GRIN2B: variants seen among roughly 807,000 people sequenced by gnomAD.
GRIN2B encodes the protein glutamate ionotropic receptor NMDA type subunit 2B, also known as glutamate receptor ionotropic, NMDA 2B.
Under a neutral mutation model 114.5 loss-of-function variants are expected in GRIN2B, and 5 were observed. The observed-to-expected ratio is 0.04, with a 90% CI of 0.02 to 0.09. GRIN2B has a LOEUF of 0.09. Ranked by LOEUF, GRIN2B falls within the 10% of genes least tolerant of loss-of-function variation. The probability of loss-of-function intolerance (pLI) is 1.00; values close to 1 mark genes in which losing one functional copy is unlikely to be tolerated. For missense variants in GRIN2B, 1,108 were observed against 1,943.5 expected, an observed-to-expected ratio of 0.57 and a Z score of 8.08; for synonymous variants, 787 against 745.1, an observed-to-expected ratio of 1.06 and a Z score of -0.92.
chr12:13,776,579 T>C (rs778823278), intron 3 of GRIN2B, among the ~76,000 whole-genome samples: 28 of 152,138 alleles, frequency 1.8e-4, no homozygotes, highest in Non-Finnish European at 3.8e-4. Flanking sequence ...TAATATAATC[T>C]TACACGACAG....
rs139642366 is a variant in GRIN2B, at chr12:13,888,816, C to T, written c.-18-22590G>A. 6.0e-3 allele frequency among the ~76,000 whole-genome samples: 906 copies of T among 150,620 alleles called. 14 individuals carry two copies. Among genetic ancestry groups the T allele is most frequent in the African/African-American group, 0.021 (873 of 41,016 alleles). Reference sequence around the variant, plus strand: ...ATAAAAAAAAAAAAATGGTATAGGGCACTTACCACGAATGGAGCCTGCAGG... The same window carrying T: ...ATAAAAAAAAAAAAATGGTATAGGGTACTTACCACGAATGGAGCCTGCAGG... On this transcript the variant is annotated intron_variant, in intron 2 of 13. Coordinates refer to ENST00000609686, the MANE Select transcript of GRIN2B (RefSeq NM_000834.5).
At chr12:13,968,796 C>T (rs1352076604) in intron 2 of GRIN2B, among the ~76,000 whole-genome samples, 1 of 152,180 alleles carries the variant, frequency 6.6e-6, no homozygotes, top group East Asian at 1.9e-4. Flanking sequence ...ATGATGACCC[C>T]TGTTAATAGT....
chr12:13,952,074 GT>G (rs1407940626), intron 2 of GRIN2B, among the ~76,000 whole-genome samples: 2 of 151,570 alleles, frequency 1.3e-5, no homozygotes, highest in Non-Finnish European at 2.9e-5. Context: ...TTTTTTTTTG[GT>G]TGGGGGTGTG....
At chr12:13,830,692 T>G (rs1865129697) in intron 3 of GRIN2B, among the ~76,000 whole-genome samples, 1 of 152,200 alleles carries the variant, frequency 6.6e-6, no homozygotes, top group Non-Finnish European at 1.5e-5. Flanking sequence ...AGCCACAAGA[T>G]AGCATCAGGC....
Position 13,543,772 on chromosome 12 carries a change from C to T in GRIN2B, c.*19011G>A, listed in dbSNP as rs1435373245. On this transcript the variant is annotated 3_prime_UTR_variant, in exon 14 of 14. Coordinates refer to ENST00000609686, the MANE Select transcript of GRIN2B (RefSeq NM_000834.5). ...TATACTCACTCTTAACTGATGAACT[C>T]CTTTCATAGTTTACTAAAAATCAAT... The T allele has an allele frequency of 1.3e-5, 2 of 152,152 alleles. No homozygotes were observed. Among genetic ancestry groups the T allele is most frequent in the African/African-American group, 4.8e-5 (2 of 41,418 alleles). The allele number at this position is 152,152 out of a possible 1,614,324, so 9.4% of individuals were successfully genotyped here. A position where few individuals can be genotyped will look rare whatever the true frequency, so the allele number is the denominator to read the frequency against.
chr12:13,975,142 G>A (rs555618618), intron 2 of GRIN2B, among the ~76,000 whole-genome samples: 2 of 152,292 alleles, frequency 1.3e-5, no homozygotes, highest in South Asian at 4.1e-4. Context: ...TAGAATACAA[G>A]CACAACTGCC....
chr12:13,625,966 G>A (rs1031690610), intron 5 of GRIN2B, among the ~76,000 whole-genome samples: 2 of 152,152 alleles, frequency 1.3e-5, no homozygotes, highest in African/African-American at 4.8e-5. Context: ...CAAATAGGTG[G>A]AAAGATTCAA....
At position 13,570,316 on chromosome 12, in the gene GRIN2B, A is replaced by G. The variant is rs78142938; in HGVS notation, c.2172-299T>C. ...GAAGAAGGAGTAAAAAGGGATCAAT[A>G]AAAATAATAACAGAAATAATGAAAA... On this transcript the variant is annotated intron_variant, in intron 11 of 13. Coordinates refer to ENST00000609686, the MANE Select transcript of GRIN2B (RefSeq NM_000834.5). Among the ~76,000 whole-genome samples the G allele has an allele frequency of 0.051, 7,765 of 152,342 alleles. 227 individuals are homozygous for G. Among genetic ancestry groups the G allele is most frequent in the African/African-American group, 0.078 (3,236 of 41,580 alleles).
chr12:13,762,294 C>T (rs746225378), intron 3 of GRIN2B, among the ~76,000 whole-genome samples: 4 of 152,172 alleles, frequency 2.6e-5, no homozygotes, highest in African/African-American at 4.8e-5. Context: ...TAAGCCACCG[C>T]GCCCAGCCAT....
At chr12:13,639,742 T>C (rs933196236) in intron 5 of GRIN2B, among the ~76,000 whole-genome samples, 4 of 152,174 alleles carry the variant, frequency 2.6e-5, no homozygotes, top group African/African-American at 9.6e-5. Flanking sequence ...TTCATTTCAC[T>C]GGAGCCTTTA....
At chr12:13,952,180 C>T (rs1047879980) in intron 2 of GRIN2B, among the ~76,000 whole-genome samples, 13 of 151,866 alleles carry the variant, frequency 8.6e-5, no homozygotes, top group African/African-American at 1.7e-4. Context: ...GGTGCCCACA[C>T]GGAATGTGTT....
At chr12:13,762,492 C>T (rs1379464826) in intron 3 of GRIN2B, among the ~76,000 whole-genome samples, 1 of 152,250 alleles carries the variant, frequency 6.6e-6, no homozygotes, top group Non-Finnish European at 1.5e-5. Flanking sequence ...AAGATGTTGA[C>T]ATTTGTCTCA....
chr12:13,709,493 C>T (rs1257869077), intron 4 of GRIN2B, among the ~76,000 whole-genome samples: 2 of 151,902 alleles, frequency 1.3e-5, no homozygotes, highest in African/African-American at 4.8e-5. Context: ...AAGAACCAAA[C>T]AGAAATTTTA....
chr12:13,965,158 C>G (rs999547397), intron 2 of GRIN2B, among the ~76,000 whole-genome samples: 1 of 152,148 alleles, frequency 6.6e-6, no homozygotes, highest in African/African-American at 2.4e-5. Context: ...CTGCAGCCTG[C>G]CAAGCCTGAA....
chr12:13,664,801 C>A (rs1949958181), intron 5 of GRIN2B, among the ~76,000 whole-genome samples: 1 of 151,990 alleles, frequency 6.6e-6, no homozygotes, highest in Non-Finnish European at 1.5e-5. Context: ...TCAAATAAAG[C>A]AGTTAAATTT....
At chr12:13,644,227 T>C (rs1398266055) in intron 5 of GRIN2B, among the ~76,000 whole-genome samples, 2 of 152,152 alleles carry the variant, frequency 1.3e-5, no homozygotes, top group African/African-American at 4.8e-5. Flanking sequence ...GAATGAATAT[T>C]GTGTTGACTG....
At chr12:13,608,358 T>C (rs1444664381) in intron 10 of GRIN2B, among the ~76,000 whole-genome samples, 1 of 152,126 alleles carries the variant, frequency 6.6e-6, no homozygotes, top group East Asian at 1.9e-4. Flanking sequence ...GCCGCTAACA[T>C]ACCAAGCCCC....
At chr12:13,891,002 A>G (rs893992673) in intron 2 of GRIN2B, among the ~76,000 whole-genome samples, 11 of 152,180 alleles carry the variant, frequency 7.2e-5, no homozygotes, top group African/African-American at 2.7e-4. Flanking sequence ...CAAGCCAGCC[A>G]ATCTCCGCTC....
intron 3 of GRIN2B, among the ~76,000 whole-genome samples, chr12:13,758,649 G>C (rs1170943556): frequency 6.6e-6 from 1 of 152,210 alleles, no homozygotes; most frequent in Non-Finnish European, 1.5e-5. Context: ...ATTTTTGCCA[G>C]TACATGGGCT....
Sources: gnomAD v4.1 joint callset for allele counts (sites outside exome capture counted in the v4.1 genomes callset) on GRCh38, gnomAD v4.1.1 for gene constraint, MANE v1.5 for transcripts, NCBI Gene and HGNC (gene_info 2026-07-23, HGNC 2026-07-21) for gene names.